R3HDM1: variants seen among roughly 807,000 people sequenced by gnomAD.
R3HDM1 encodes R3H domain-containing protein 1.
In R3HDM1, 46 loss-of-function variants were observed where a neutral mutation model predicts 141.1. That is an observed-to-expected ratio of 0.33 (90% CI 0.26 to 0.42). R3HDM1 has a LOEUF of 0.42. R3HDM1 is among the 10% of genes least tolerant of loss of function. The pLI is 1.00. For synonymous variants in R3HDM1, 435 were observed against 472.9 expected, an observed-to-expected ratio of 0.92 and a Z score of 1.04; for missense variants, 1,184 against 1,368.3, an observed-to-expected ratio of 0.87 and a Z score of 2.12.
chr2:135,648,658 C>G (rs2064757152), intron 16 of R3HDM1, among the ~76,000 whole-genome samples: 1 of 151,484 alleles, frequency 6.6e-6, no homozygotes, highest in Non-Finnish European at 1.5e-5. Context: ...GTCTTTAAGC[C>G]AATATGTATA....
At chr2:135,710,270 AT>A in intron 23 of R3HDM1, 39 bp downstream of exon 23, 4 of 1,570,472 alleles carry the variant, frequency 2.5e-6, no homozygotes, top group Admixed American at 1.7e-5. Flanking sequence ...GAAACGTTAC[AT>A]TTTTGTTACC....
intron 21 of R3HDM1, among the ~76,000 whole-genome samples, chr2:135,695,190 C>G (rs983588917): frequency 3.3e-5 from 5 of 152,152 alleles, no homozygotes; most frequent in Admixed American, 1.3e-4. Context: ...AATACTGTTA[C>G]AAATTACAAG....
intron 7 of R3HDM1, among the ~76,000 whole-genome samples, chr2:135,623,472 G>A (rs2061691944): frequency 6.6e-6 from 1 of 152,150 alleles, no homozygotes; most frequent in Admixed American, 6.5e-5. Flanking sequence ...ACACAGTCTT[G>A]CTTCAAGATA....
chr2:135,622,883 T>C (rs1333120837), intron 7 of R3HDM1, 151 bp downstream of exon 7: 1 of 1,355,702 alleles, frequency 7.4e-7, no homozygotes, highest in Non-Finnish European at 9.5e-7. Context: ...AAAGATGTTG[T>C]TGGTCTAGTA....
chr2:135,707,171 C>T (rs1354065421), intron 21 of R3HDM1, among the ~76,000 whole-genome samples: 1 of 152,252 alleles, frequency 6.6e-6, no homozygotes, highest in East Asian at 1.9e-4. Flanking sequence ...CTTTGAATGA[C>T]TAGGCCTGGT....
intron 1 of R3HDM1, among the ~76,000 whole-genome samples, chr2:135,563,083 G>A (rs1702081788): frequency 1.3e-5 from 2 of 152,128 alleles, no homozygotes; most frequent in Non-Finnish European, 2.9e-5. Context: ...AATGTCTTAT[G>A]TGAGTGTTTC....
At chr2:135,626,209 G>GTGCTTGCTTGCTTGCT (rs56860646) in intron 7 of R3HDM1, among the ~76,000 whole-genome samples, 69 of 143,444 alleles carry the variant, frequency 4.8e-4, no homozygotes, top group African/African-American at 1.8e-3. Context: ...GCGTGCGTGC[G>GTGCTTGCTTGCTTGCT]TGCTTGCTTG....
chr2:135,605,730 G>C (rs2059988985), intron 3 of R3HDM1: 1 of 152,156 alleles, frequency 6.6e-6, no homozygotes, highest in African/African-American at 2.4e-5. Flanking sequence ...TGTCGCCCAG[G>C]CTGGAGTGCA....
chr2:135,700,199 T>C (rs1349005990), intron 21 of R3HDM1, among the ~76,000 whole-genome samples: 1 of 152,152 alleles, frequency 6.6e-6, no homozygotes, highest in Non-Finnish European at 1.5e-5. Context: ...AGTAACCTGG[T>C]AACCTTTGAA....
rs145782111 is a variant in R3HDM1 at position 135,587,085 on chromosome 2, A to C, written c.-249-15415A>C. 4.1e-6 allele frequency: 3 copies of C among 725,188 alleles called. No homozygotes were observed. In the Admixed American group the frequency reaches 1.9e-4, roughly 45 times the overall value. 44.9% of individuals were successfully genotyped at this position (725,188 alleles called of 1,614,324 possible). ...GATCTGTCATTGCTATGATTAACATAATCAGATATCACATTGCAAAAGAGA... is the reference window on the plus strand; with the variant it reads ...GATCTGTCATTGCTATGATTAACATCATCAGATATCACATTGCAAAAGAGA... On this transcript the variant is annotated intron_variant, in intron 1 of 26. Coordinates refer to ENST00000683871, the MANE Select transcript of R3HDM1 (RefSeq NM_001378107.1).
At chr2:135,699,455 G>A (rs72970233) in intron 21 of R3HDM1, among the ~76,000 whole-genome samples, 8,072 of 152,188 alleles carry the variant, frequency 0.053, 391 homozygotes, top group African/African-American at 0.12. Flanking sequence ...AAATGGAAGC[G>A]GGTTAGCCTT....
intron 7 of R3HDM1, among the ~76,000 whole-genome samples, chr2:135,623,788 C>A (rs2105186084): frequency 6.6e-6 from 1 of 152,288 alleles, no homozygotes; most frequent in Non-Finnish European, 1.5e-5. Context: ...GAAGCTCTGA[C>A]CCTACAGTAT....
intron 26 of R3HDM1, 103 bp from the exon 27 acceptor site, chr2:135,723,834 A>T: frequency 1.6e-5 from 8 of 506,072 alleles, no homozygotes; most frequent in East Asian, 4.3e-5. Context: ...AATTTTGTGT[A>T]TTCGAATGGT....
rs922122545 is a variant in R3HDM1, at chr2:135,641,891, T to A, written c.1474+101T>A. 4 of 1,299,424 alleles carry A rather than the reference T, an allele frequency of 3.1e-6. No individual in the cohort carries two copies. In the African/African-American group the frequency reaches 6.0e-5, roughly 19 times the overall value. The allele number at this position is 1,299,424 out of a possible 1,614,324, so 80.5% of individuals were successfully genotyped here. On this transcript the variant is annotated intron_variant, in intron 15 of 26. Coordinates refer to ENST00000683871, the MANE Select transcript of R3HDM1 (RefSeq NM_001378107.1). ...TGTGTAGTCAGCTTTTTATTATTCA[T>A]GAATAATTAACATTTTCCAAGAACT... is the stretch of plus-strand genomic sequence containing the variant.
rs115282797 is a variant in R3HDM1, at chr2:135,610,634, C to T, written c.172-5518C>T. ...TTCAGAACACAATGCCACGCTTCTT[C>T]GACAATGAAGGCAGTACATAACAAA... On this transcript the variant is annotated intron_variant, in intron 3 of 26. Coordinates refer to ENST00000683871, the MANE Select transcript of R3HDM1 (RefSeq NM_001378107.1). Among the ~76,000 whole-genome samples, 451 of 152,156 alleles carry T rather than the reference C, an allele frequency of 3.0e-3. 2 individuals carry two copies. Among genetic ancestry groups the T allele is most frequent in the African/African-American group, 0.01 (424 of 41,516 alleles).
At chr2:135,556,558 C>T (rs1449035679) in intron 1 of R3HDM1, among the ~76,000 whole-genome samples, 1 of 150,660 alleles carries the variant, frequency 6.6e-6, no homozygotes, top group East Asian at 2.0e-4. Flanking sequence ...TCGCTCTGTC[C>T]CCCAGGCTGG....
intron 7 of R3HDM1, among the ~76,000 whole-genome samples, chr2:135,625,047 CACTGCCCTCCAGCCTGGACTCCATCTCT>C (rs1191603160): frequency 2.0e-5 from 3 of 152,176 alleles, no homozygotes; most frequent in African/African-American, 7.2e-5. Context: ...ATGATCTCGC[CACTGCCCTCCAGCCTGGACTCCATCTCT>C]AAAGAGAGAG....
chr2:135,563,036 T>A (rs1702072604), intron 1 of R3HDM1, among the ~76,000 whole-genome samples: 1 of 152,232 alleles, frequency 6.6e-6, no homozygotes, highest in South Asian at 2.1e-4. Context: ...TTGGTCATCC[T>A]CACTGTTGTT....
intron 3 of R3HDM1, among the ~76,000 whole-genome samples, chr2:135,611,154 G>A (rs536769596): frequency 6.6e-6 from 1 of 151,816 alleles, no homozygotes; most frequent in South Asian, 2.1e-4. Flanking sequence ...GCGCACGGTG[G>A]TTCACGCCTG....
Sources: allele counts gnomAD v4.1 joint callset (sites outside exome capture counted in the v4.1 genomes callset), GRCh38; gene constraint gnomAD v4.1.1; transcripts MANE v1.5; gene names NCBI Gene and HGNC (gene_info 2026-07-23, HGNC 2026-07-21).